The following RAI14 variants were observed in gnomAD, a reference collection of about 807,000 sequenced individuals.
RAI14 encodes retinoic acid induced 14.
In RAI14, 45 loss-of-function variants were observed where a neutral mutation model predicts 115.4. That is an observed-to-expected ratio of 0.39 (90% confidence interval 0.31 to 0.50). The LOEUF (loss-of-function observed/expected upper bound fraction) is 0.50, where lower values mean the gene tolerates loss of function less well. RAI14 is among the 20% of genes least tolerant of loss of function. The pLI is 0.85. For synonymous variants in RAI14, 371 were observed against 415.4 expected, an observed-to-expected ratio of 0.89 and a Z score of 1.30; for missense variants, 939 against 1,131.2, an observed-to-expected ratio of 0.83 and a Z score of 2.44.
intron 11 of RAI14, among the ~76,000 whole-genome samples, 171 bp downstream of exon 11, chr5:34,813,831 G>C (rs1755876661): frequency 6.6e-6 from 1 of 152,174 alleles, no homozygotes; most frequent in Non-Finnish European, 1.5e-5. Context: ...TTGATGATTA[G>C]TATGGAAATA....
intron 17 of RAI14, among the ~76,000 whole-genome samples, chr5:34,830,283 C>G (rs1385933536): frequency 6.6e-6 from 1 of 152,178 alleles, no homozygotes; most frequent in East Asian, 1.9e-4. Flanking sequence ...CATGCCCCAC[C>G]CTCCCATCAT....
At position 34,823,330 on chromosome 5, in the gene RAI14, G is replaced by C; in HGVS notation, c.1488G>C (p.Met496Ile). 1 of 1,614,008 alleles carries C rather than the reference G, an allele frequency of 6.2e-7. No individual in the cohort carries two copies. Among genetic ancestry groups the C allele is most frequent in the African/African-American group, 1.3e-5 (1 of 75,060 alleles). The change falls in exon 15 of 18, where the codon ATG (methionine) becomes ATC (isoleucine). Residue 496 changes from methionine (M) to isoleucine (I), a missense_variant. By Grantham distance (10) the Met-to-Ile change is conservative. Coordinates refer to ENST00000265109, the MANE Select transcript of RAI14 (RefSeq NM_015577.3). The surrounding 1 kb of genome is among the most constrained non-coding windows in gnomAD (Gnocchi z 4.5). ...KETQSKYEEA[M>I]KEVLSVQKQM... ...CTCAGAGCAAATACGAGGAGGCTAT[G>C]AAAGAAGTCCTTAGTGTGCAGAAGC...
intron 2 of RAI14, among the ~76,000 whole-genome samples, chr5:34,721,868 G>A (rs377565790): frequency 3.4e-4 from 52 of 152,140 alleles, no homozygotes; most frequent in East Asian, 3.9e-4. Context: ...GTGCCACCAC[G>A]CCCAGCTGTT....
intron 2 of RAI14, among the ~76,000 whole-genome samples, chr5:34,711,646 G>A (rs1208215432): frequency 6.6e-6 from 1 of 152,204 alleles, no homozygotes; most frequent in Admixed American, 6.5e-5. Context: ...GCCCCAGAGA[G>A]CTACTTCATC....
chr5:34,701,606 C>G (rs895751467), intron 2 of RAI14, among the ~76,000 whole-genome samples: 1 of 152,190 alleles, frequency 6.6e-6, no homozygotes, highest in African/African-American at 2.4e-5. Flanking sequence ...GCTGCTCCCC[C>G]GCCCGCCTTA....
chr5:34,735,461 CTG>C (rs1580075844), intron 2 of RAI14, among the ~76,000 whole-genome samples: 1 of 152,134 alleles, frequency 6.6e-6, no homozygotes, highest in East Asian at 1.9e-4. Flanking sequence ...GTTAAAGTCT[CTG>C]TACGTAAAAG....
intron 3 of RAI14, among the ~76,000 whole-genome samples, chr5:34,765,631 A>G (rs948403309): frequency 3.3e-5 from 5 of 152,248 alleles, no homozygotes; most frequent in Non-Finnish European, 5.9e-5. Context: ...ATTCAGTTTT[A>G]TAAGGGAAGC....
Position 34,777,765 on chromosome 5 carries a change from C to T in RAI14, c.168-18174C>T, listed in dbSNP as rs891401677. On this transcript the variant is annotated intron_variant, in intron 3 of 17. Transcript: ENST00000265109. ...TTGCACTCCAGCCTGGGCAACAGAG[C>T]GAGACTCCGTCTCAAAAAAACAAAA... Among the ~76,000 whole-genome samples, 8 of 151,852 alleles carry T rather than the reference C, an allele frequency of 5.3e-5. No individual in the cohort carries two copies. The East Asian group carries it at 9.7e-4, about 18-fold the overall frequency.
At chr5:34,780,603 C>G (rs549649361) in intron 3 of RAI14, among the ~76,000 whole-genome samples, 1 of 152,134 alleles carries the variant, frequency 6.6e-6, no homozygotes, top group African/African-American at 2.4e-5. Flanking sequence ...ATTTATGCGG[C>G]CAACAGACAC....
intron 2 of RAI14, among the ~76,000 whole-genome samples, chr5:34,743,134 C>T (rs544806648): frequency 6.6e-6 from 1 of 152,314 alleles, no homozygotes; most frequent in Non-Finnish European, 1.5e-5. Context: ...CATGTGTCAC[C>T]GCATCAGTTT....
At chr5:34,807,570 G>A (rs1418757719) in intron 5 of RAI14, among the ~76,000 whole-genome samples, 3 of 152,068 alleles carry the variant, frequency 2.0e-5, no homozygotes, top group African/African-American at 7.2e-5. Context: ...GATGAGGGAA[G>A]GAGAGGAACA....
At chr5:34,731,907 G>T (rs763724505) in intron 2 of RAI14, among the ~76,000 whole-genome samples, 4 of 152,180 alleles carry the variant, frequency 2.6e-5, no homozygotes, top group Non-Finnish European at 5.9e-5. Context: ...GCGGCCAGGG[G>T]GCCATGTGCT....
At chr5:34,689,914 C>A (rs1339359286) in intron 2 of RAI14, among the ~76,000 whole-genome samples, 1 of 152,038 alleles carries the variant, frequency 6.6e-6, no homozygotes, top group Non-Finnish European at 1.5e-5. Flanking sequence ...AAAAGAATGT[C>A]AAAAATCTTA....
intron 7 of RAI14, among the ~76,000 whole-genome samples, chr5:34,809,348 G>A (rs1289064714): frequency 6.6e-6 from 1 of 151,962 alleles, no homozygotes; most frequent in African/African-American, 2.4e-5. Context: ...AGTAATTCTC[G>A]ACCACTGAAA....
chr5:34,684,368 G>T (rs894631659), intron 1 of RAI14: 1 of 152,196 alleles, frequency 6.6e-6, no homozygotes. Flanking sequence ...TTCTGATGTG[G>T]ATTAACTAGG....
intron 2 of RAI14, among the ~76,000 whole-genome samples, chr5:34,711,904 CTTATTCTATTTTTTTTCCTT>C: frequency 6.6e-6 from 1 of 152,152 alleles, no homozygotes; most frequent in African/African-American, 2.4e-5. Flanking sequence ...GCCTCTTTTC[CTTATTCTATTTTTTTTCCTT>C]TTATTCTATT....
At chr5:34,724,968 T>C (rs1743261853) in intron 2 of RAI14, among the ~76,000 whole-genome samples, 1 of 151,940 alleles carries the variant, frequency 6.6e-6, no homozygotes, top group South Asian at 2.1e-4. Context: ...ACCAAGCTTG[T>C]GCACTCCCAT....
intron 3 of RAI14, among the ~76,000 whole-genome samples, chr5:34,771,342 G>A (rs563765260): frequency 1.3e-5 from 2 of 152,286 alleles, no homozygotes; most frequent in South Asian, 2.1e-4. Context: ...GGTTGCAGAG[G>A]CAATGGAAGG....
chr5:34,780,041 C>G (rs1751410101), intron 3 of RAI14, among the ~76,000 whole-genome samples: 2 of 152,152 alleles, frequency 1.3e-5, no homozygotes, highest in African/African-American at 4.8e-5. Flanking sequence ...ACCAATGGAA[C>G]AGAACAGAGC....
Sources: allele counts gnomAD v4.1 joint callset (sites outside exome capture counted in the v4.1 genomes callset), GRCh38; gene constraint gnomAD v4.1.1; non-coding constraint Gnocchi (gnomAD v3.1); transcripts MANE v1.5; gene names NCBI Gene and HGNC (gene_info 2026-07-23, HGNC 2026-07-21).